Variants in SMYD3 observed in about 807,000 individuals in gnomAD.
SMYD3 encodes SET and MYND domain containing 3.
A neutral mutation model predicts 57.7 loss-of-function variants in SMYD3; 36 were observed. The ratio of observed to expected loss-of-function variants is 0.62; its 90% CI spans 0.48 to 0.82. SMYD3 has a LOEUF of 0.82. SMYD3 is among the 40% of genes least tolerant of loss of function. The pLI is 0.00. For synonymous variants in SMYD3, 211 were observed against 195.0 expected (o/e 1.08, Z -0.68); for missense variants, 515 against 538.8 (o/e 0.96, Z 0.44).
intron 5 of SMYD3, among the ~76,000 whole-genome samples, chr1:246,239,559 A>T (rs1243189153): frequency 6.6e-6 from 1 of 152,174 alleles, no homozygotes; most frequent in Non-Finnish European, 1.5e-5. Flanking sequence ...ATACGTGTGC[A>T]TGTGTCTTTA....
At chr1:246,028,162 T>C (rs1054469399) in intron 5 of SMYD3, among the ~76,000 whole-genome samples, 3 of 152,156 alleles carry the variant, frequency 2.0e-5, no homozygotes, top group Middle Eastern at 3.4e-3. Context: ...ATCCTAGACA[T>C]ACACAACCTA....
chr1:246,042,542 G>C (rs1304198110), intron 5 of SMYD3, among the ~76,000 whole-genome samples: 2 of 152,174 alleles, frequency 1.3e-5, no homozygotes, highest in African/African-American at 4.8e-5. Flanking sequence ...TCCATGTAAG[G>C]ACTTCGCATT....
chr1:245,771,045 TACAC>T (rs35330040), intron 10 of SMYD3, among the ~76,000 whole-genome samples: 12,439 of 151,092 alleles, frequency 0.082, 647 homozygotes, highest in Admixed American at 0.16. Flanking sequence ...GCTATATATA[TACAC>T]ACACACACAC....
At chr1:245,915,252 A>C (rs1207637358) in intron 8 of SMYD3, among the ~76,000 whole-genome samples, 1 of 152,156 alleles carries the variant, frequency 6.6e-6, no homozygotes, top group Admixed American at 6.5e-5. Flanking sequence ...TCTGGCCTTC[A>C]CCCATCCTTT....
At chr1:246,155,008 C>T (rs2062001981) in intron 5 of SMYD3, among the ~76,000 whole-genome samples, 1 of 151,994 alleles carries the variant, frequency 6.6e-6, no homozygotes, top group Admixed American at 6.6e-5. Flanking sequence ...GTCTCGAGCT[C>T]CTGACCTTGT....
At chr1:245,889,777 C>A (rs2053278508) in intron 8 of SMYD3, among the ~76,000 whole-genome samples, 1 of 152,102 alleles carries the variant, frequency 6.6e-6, no homozygotes, top group South Asian at 2.1e-4. Flanking sequence ...TCCAGAATAG[C>A]CAAAGCCATT....
chr1:245,831,608 G>A (rs140728018), intron 10 of SMYD3, among the ~76,000 whole-genome samples: 22 of 152,294 alleles, frequency 1.4e-4, no homozygotes, highest in African/African-American at 4.6e-4. Flanking sequence ...GACCAAGTTC[G>A]CCAGAGTATT....
Position 245,790,905 on chromosome 1 carries a change from G to A in SMYD3, c.1077-26756C>T, listed in dbSNP as rs143690463. Among the ~76,000 whole-genome samples, 806 of 152,208 alleles carry A rather than the reference G, an allele frequency of 5.3e-3. 6 individuals are homozygous for A. Among genetic ancestry groups the A allele is most frequent in the African/African-American group, 0.019 (771 of 41,520 alleles). On this transcript the variant is annotated intron_variant, in intron 10 of 11. Transcript: ENST00000490107. Reference sequence around the variant, plus strand: ...CTTACTCTGCTTTCCTGAGCAAACTGTACTTTTCAGTTGCAAAATATTACA... The same window carrying A: ...CTTACTCTGCTTTCCTGAGCAAACTATACTTTTCAGTTGCAAAATATTACA...
At chr1:246,284,323 C>T (rs146315677) in intron 5 of SMYD3, among the ~76,000 whole-genome samples, 2 of 152,316 alleles carry the variant, frequency 1.3e-5, no homozygotes, top group East Asian at 3.9e-4. Flanking sequence ...AGCACTTAAA[C>T]ACTTCAGGGT....
chr1:246,143,434 T>C (rs2061793451), intron 5 of SMYD3, among the ~76,000 whole-genome samples: 1 of 152,114 alleles, frequency 6.6e-6, no homozygotes, highest in Non-Finnish European at 1.5e-5. Context: ...CCCAGCACTG[T>C]GGGAGGCCAA....
intron 10 of SMYD3, among the ~76,000 whole-genome samples, chr1:245,822,012 A>G (rs1220153922): frequency 1.3e-5 from 2 of 152,190 alleles, no homozygotes; most frequent in Non-Finnish European, 2.9e-5. Context: ...ATCTCGAACT[A>G]GAAATACCAT....
At chr1:245,996,433 T>C (rs1382251138) in intron 5 of SMYD3, among the ~76,000 whole-genome samples, 1 of 152,180 alleles carries the variant, frequency 6.6e-6, no homozygotes, top group South Asian at 2.1e-4. Flanking sequence ...TTATATAGAA[T>C]AGAATTCATG....
At position 246,391,410 on chromosome 1, in the gene SMYD3, GAGAGAGAAAA is replaced by G. The variant is rs1558440341; in HGVS notation, c.165-36326_165-36317del. Among the ~76,000 whole-genome samples the G allele has an allele frequency of 5.6e-3, 427 of 76,640 alleles. 1 individual carries two copies. The highest frequency in any genetic ancestry group is 9.1e-3 in the Admixed American group (74 of 8,132). 50.3% of individuals were successfully genotyped at this position (76,640 alleles called of 152,430 possible). ...AGAGAGAGAAAGAGAGAGAGAGAAA[GAGAGAGAAAA>G]AGAGAGAGAGAGAGAGAGAGAAGGA... is the stretch of plus-strand genomic sequence containing the variant. On this transcript the variant is annotated intron_variant, in intron 1 of 11. Transcript: ENST00000490107.
intron 5 of SMYD3, among the ~76,000 whole-genome samples, chr1:245,951,154 T>C (rs2057623985): frequency 6.6e-6 from 1 of 152,106 alleles, no homozygotes; most frequent in Non-Finnish European, 1.5e-5. Flanking sequence ...TCTTATTACC[T>C]GCAAACCAGG....
intron 10 of SMYD3, among the ~76,000 whole-genome samples, chr1:245,857,737 T>C (rs181991366): frequency 5.4e-4 from 82 of 152,270 alleles, no homozygotes; most frequent in African/African-American, 1.9e-3. Context: ...GCCCTTCCCC[T>C]TGGGCTGCTC....
rs148817871 is a variant in SMYD3 at position 245,801,680 on chromosome 1, T to A, written c.1077-37531A>T. On this transcript the variant is annotated intron_variant, in intron 10 of 11. Transcript: ENST00000490107. ...GGTATATAAAGTGAACCAGTAAAGTTAGTTATCTTCTTTTACACAAAGAAT... is the reference window on the plus strand; with the variant it reads ...GGTATATAAAGTGAACCAGTAAAGTAAGTTATCTTCTTTTACACAAAGAAT... Among the ~76,000 whole-genome samples, 497 of 151,468 alleles carry A rather than the reference T, an allele frequency of 3.3e-3. 4 individuals carry two copies. Among genetic ancestry groups the A allele is most frequent in the African/African-American group, 0.011 (467 of 41,176 alleles).
chr1:246,245,497 A>T (rs2063688055), intron 5 of SMYD3, among the ~76,000 whole-genome samples: 1 of 152,158 alleles, frequency 6.6e-6, no homozygotes, highest in Admixed American at 6.5e-5. Flanking sequence ...TTTTTGAAAC[A>T]TGTAGATCCT....
chr1:246,507,012 C>T, intron 1 of SMYD3, 42 bp downstream of exon 1: 1 of 1,391,682 alleles, frequency 7.2e-7, no homozygotes. Flanking sequence ...CAGCACCCCA[C>T]ACAGCTCGCG....
chr1:246,280,507 T>G (rs777054393), intron 5 of SMYD3, among the ~76,000 whole-genome samples: 1 of 152,060 alleles, frequency 6.6e-6, no homozygotes, highest in Non-Finnish European at 1.5e-5. Context: ...CTGGGCACAG[T>G]AGCTACTTGG....
Sources: gnomAD v4.1 joint callset for allele counts (sites outside exome capture counted in the v4.1 genomes callset) on GRCh38, gnomAD v4.1.1 for gene constraint, MANE v1.5 for transcripts, NCBI Gene and HGNC (gene_info 2026-07-23, HGNC 2026-07-21) for gene names.